Variants in PCYT1A observed in about 807,000 individuals in gnomAD.
The protein encoded by PCYT1A is choline-phosphate cytidylyltransferase A.
Under a neutral mutation model 43.7 loss-of-function variants are expected in PCYT1A, and 25 were observed. The observed-to-expected ratio is 0.57, with a 90% CI of 0.42 to 0.80. The LOEUF (loss-of-function observed/expected upper bound fraction) is 0.80. Among genes scored for constraint, PCYT1A ranks in the 30% least tolerant of loss-of-function variants. The pLI is 0.00. For synonymous variants in PCYT1A, 172 were observed against 170.7 expected, an observed-to-expected ratio of 1.01 and a Z score of -0.06; for missense variants, 421 against 474.2, an observed-to-expected ratio of 0.89 and a Z score of 1.04.
rs771834782 is a variant in PCYT1A, at chr3:196,242,671, T to C, written c.487-31A>G. On this transcript the variant is annotated intron_variant, in intron 5 of 8. Coordinates refer to ENST00000431016, the MANE Select transcript of PCYT1A (RefSeq NM_001312673.2). This position sits in a 1 kb window ranked among gnomAD's most constrained non-coding sequence, Gnocchi z 4.2. The stretch of plus-strand genomic sequence containing the variant: ...AATAAGGAAACATCATTAAAACCCA[T>C]GATAACTGCCATTCAGAAAGACCCA... 10 of 1,407,634 alleles carry C rather than the reference T, an allele frequency of 7.1e-6. No individual in the cohort carries two copies. The highest frequency in any genetic ancestry group is 4.6e-5 in the East Asian group (2 of 43,900). 87.2% of individuals were successfully genotyped at this position (1,407,634 alleles called of 1,614,324 possible). A position where few individuals can be genotyped will look rare whatever the true frequency, so the allele number is the denominator to read the frequency against.
intron 1 of PCYT1A, among the ~76,000 whole-genome samples, chr3:196,275,237 T>G (rs905142324): frequency 6.6e-6 from 1 of 152,208 alleles, no homozygotes; most frequent in African/African-American, 2.4e-5. Flanking sequence ...ATCATAATTT[T>G]TAAGTACAAA....
At chr3:196,244,299 G>C (rs1560163033) in intron 5 of PCYT1A, among the ~76,000 whole-genome samples, 1 of 148,104 alleles carries the variant, frequency 6.8e-6, no homozygotes, top group East Asian at 2.1e-4. Context: ...CCTCTGCCCG[G>C]CTGCCCAGTC....
intron 3 of PCYT1A, among the ~76,000 whole-genome samples, chr3:196,249,301 C>T (rs1160042303): frequency 6.7e-6 from 1 of 148,850 alleles, no homozygotes; most frequent in African/African-American, 2.5e-5. Flanking sequence ...TGGACACCAC[C>T]ATGCCCAGCT....
Position 196,242,709 on chromosome 3 carries a change from A to C in PCYT1A, c.487-69T>G. On this transcript the variant is annotated intron_variant, in intron 5 of 8. Transcript: ENST00000431016. This position sits in a 1 kb window ranked among gnomAD's most constrained non-coding sequence, Gnocchi z 4.2. Reference sequence around the variant, plus strand: ...TCAGAAAGACCCAGTCAATGTTCTCAGGCCCAGAAAAAGGACAATAGGCAG... The same window carrying C: ...TCAGAAAGACCCAGTCAATGTTCTCCGGCCCAGAAAAAGGACAATAGGCAG... The C allele has an allele frequency of 3.8e-6, 4 of 1,061,036 alleles. No individual in the cohort carries two copies. Among genetic ancestry groups the C allele is most frequent in the Non-Finnish European group, 5.9e-6 (4 of 676,950 alleles). 65.7% of individuals were successfully genotyped at this position (1,061,036 alleles called of 1,614,324 possible).
chr3:196,242,160 A>T lies in PCYT1A; in HGVS notation c.566-70T>A. The T allele has an allele frequency of 1.4e-6, 2 of 1,464,148 alleles. No homozygotes were observed. The highest frequency in any genetic ancestry group is 1.9e-6 in the Non-Finnish European group (2 of 1,050,652). 90.7% of individuals were successfully genotyped at this position (1,464,148 alleles called of 1,614,324 possible). A position where few individuals can be genotyped will look rare whatever the true frequency, so the allele number is the denominator to read the frequency against. ...AGCTCAGGTATTAAGACTAAATGGA[A>T]ATTGGGGGCAACATTCCTTTCCTTT... On this transcript the variant is annotated intron_variant, in intron 6 of 8. Coordinates refer to ENST00000431016, the MANE Select transcript of PCYT1A (RefSeq NM_001312673.2). The surrounding 1 kb of genome is among the most constrained non-coding windows in gnomAD (Gnocchi z 4.2).
intron 3 of PCYT1A, among the ~76,000 whole-genome samples, chr3:196,250,350 T>G (rs563377688): frequency 2.8e-4 from 41 of 148,228 alleles, no homozygotes; most frequent in African/African-American, 9.8e-4. Flanking sequence ...AGATACACTA[T>G]GCTGAGGCTG....
chr3:196,256,636 TTC>T (rs2108771251), intron 3 of PCYT1A, among the ~76,000 whole-genome samples: 1 of 152,240 alleles, frequency 6.6e-6, no homozygotes, highest in South Asian at 2.1e-4. Flanking sequence ...GCCTCCCAGG[TTC>T]ACATAATTCT....
At position 196,235,760 on chromosome 3, in the gene PCYT1A, G is replaced by A. The variant is rs181519645; in HGVS notation, c.*2928C>T. ...TTCTCGTGTGTGATTCAGGGAAACAGCTCCATAGCCTCAAACGTTAATATC... is the reference window on the plus strand; with the variant it reads ...TTCTCGTGTGTGATTCAGGGAAACAACTCCATAGCCTCAAACGTTAATATC... On this transcript the variant is annotated 3_prime_UTR_variant, in exon 9 of 9. Transcript: ENST00000431016. The surrounding 1 kb of genome is among the most constrained non-coding windows in gnomAD (Gnocchi z 4.3). 1 of 152,282 alleles carries A rather than the reference G, an allele frequency of 6.6e-6. No individual in the cohort carries two copies. The highest frequency in any genetic ancestry group is 1.5e-5 in the Non-Finnish European group (1 of 68,090). The allele number at this position is 152,282 out of a possible 1,614,324, so 9.4% of individuals were successfully genotyped here. A position where few individuals can be genotyped will look rare whatever the true frequency, so the allele number is the denominator to read the frequency against.
At chr3:196,246,127 T>A (rs912133664) in intron 5 of PCYT1A, among the ~76,000 whole-genome samples, 7 of 152,142 alleles carry the variant, frequency 4.6e-5, no homozygotes, top group Admixed American at 4.6e-4. Context: ...TGCTAGGTGT[T>A]GATGTAGAAA....
intron 5 of PCYT1A, among the ~76,000 whole-genome samples, chr3:196,243,499 T>G (rs918625610): frequency 1.3e-5 from 2 of 151,592 alleles, no homozygotes; most frequent in South Asian, 4.2e-4. Flanking sequence ...TTTCTCCCTC[T>G]CCCCTCTCCC....
intron 2 of PCYT1A, among the ~76,000 whole-genome samples, chr3:196,265,765 T>C (rs1363451687): frequency 6.6e-6 from 1 of 151,438 alleles, no homozygotes; most frequent in Non-Finnish European, 1.5e-5. Flanking sequence ...TGAGACGGAG[T>C]CTCGCTCTGT....
chr3:196,281,327 C>A (rs1388856075), intron 1 of PCYT1A, among the ~76,000 whole-genome samples: 5 of 152,162 alleles, frequency 3.3e-5, no homozygotes, highest in African/African-American at 1.2e-4. Context: ...AGGACATTGC[C>A]CCCTATGTAA....
intron 1 of PCYT1A, among the ~76,000 whole-genome samples, chr3:196,279,338 C>T (rs553892048): frequency 6.6e-6 from 1 of 151,228 alleles, no homozygotes; most frequent in African/African-American, 2.4e-5. Context: ...TTGTTAAGAC[C>T]TGATCTTTCC....
chr3:196,258,184 G>A (rs1725003980), intron 2 of PCYT1A, among the ~76,000 whole-genome samples: 2 of 151,644 alleles, frequency 1.3e-5, no homozygotes, highest in South Asian at 4.2e-4. Flanking sequence ...TACTCAGGAG[G>A]CTGAGGCAGG....
chr3:196,279,863 T>G (rs1339100238), intron 1 of PCYT1A, among the ~76,000 whole-genome samples: 1 of 134,148 alleles, frequency 7.5e-6, no homozygotes, highest in Admixed American at 8.1e-5. Context: ...AGACAGAGTT[T>G]CACTCCTGTT....
At position 196,238,446 on chromosome 3, in the gene PCYT1A, G is replaced by GC. The variant is rs933462770; in HGVS notation, c.*241_*242insG. On this transcript the variant is annotated 3_prime_UTR_variant, in exon 9 of 9. Coordinates refer to ENST00000431016, the MANE Select transcript of PCYT1A (RefSeq NM_001312673.2). The stretch of plus-strand genomic sequence containing the variant: ...CATAAACAGTGAAACAAAGCCCTTG[G>GC]GGGGGGGTAAATGGATGCAGAGCAG... The GC allele has an allele frequency of 1.6e-4, 57 of 355,560 alleles. No homozygotes were observed. Among genetic ancestry groups the GC allele is most frequent in the African/African-American group, 5.7e-4 (26 of 45,324 alleles). 22.0% of individuals were successfully genotyped at this position (355,560 alleles called of 1,614,324 possible). A position where few individuals can be genotyped will look rare whatever the true frequency, so the allele number is the denominator to read the frequency against.
intron 5 of PCYT1A, among the ~76,000 whole-genome samples, chr3:196,246,918 G>A (rs575600145): frequency 5.3e-5 from 8 of 150,318 alleles, no homozygotes; most frequent in African/African-American, 2.0e-4. Flanking sequence ...TCAGTTCCCA[G>A]CCCTGCCAGT....
intron 1 of PCYT1A, among the ~76,000 whole-genome samples, chr3:196,286,715 A>G (rs1480421438): frequency 6.6e-6 from 1 of 152,178 alleles, no homozygotes; most frequent in Non-Finnish European, 1.5e-5. Flanking sequence ...GCAGTTCAAG[A>G]CCAGCCTGGC....
At chr3:196,259,385 CCTT>C (rs1383133809) in intron 2 of PCYT1A, among the ~76,000 whole-genome samples, 2 of 152,202 alleles carry the variant, frequency 1.3e-5, no homozygotes, top group East Asian at 3.9e-4. Context: ...CCCTTATAAT[CCTT>C]CTAATTTCTG....
Sources: gnomAD v4.1 joint callset for allele counts (sites outside exome capture counted in the v4.1 genomes callset) on GRCh38, gnomAD v4.1.1 for gene constraint, Gnocchi (gnomAD v3.1) non-coding constraint, MANE v1.5 for transcripts, NCBI Gene and HGNC (gene_info 2026-07-23, HGNC 2026-07-21) for gene names.